RAD54L2: variants seen among roughly 807,000 people sequenced by gnomAD.
The protein encoded by RAD54L2 is RAD54 like 2.
A neutral mutation model predicts 138.4 loss-of-function variants in RAD54L2; 27 were observed. The observed-to-expected ratio is 0.20, with a 90% CI of 0.14 to 0.27. The LOEUF is 0.27. RAD54L2 is among the 10% of genes least tolerant of loss of function. The probability of loss-of-function intolerance (pLI) is 1.00; values close to 1 mark genes in which losing one functional copy is unlikely to be tolerated. For synonymous variants in RAD54L2, 644 were observed against 723.2 expected, an observed-to-expected ratio of 0.89 and a Z score of 1.76; for missense variants, 1,396 against 1,890.2, an observed-to-expected ratio of 0.74 and a Z score of 4.85.
At position 51,641,640 on chromosome 3, in the gene RAD54L2, A is replaced by G; in HGVS notation, c.2232-109A>G. The G allele has an allele frequency of 4.5e-6, 3 of 667,708 alleles. No homozygotes were observed. In the South Asian group the frequency reaches 6.0e-5, roughly 13 times the overall value. The allele number at this position is 667,708 out of a possible 1,614,324, so 41.4% of individuals were successfully genotyped here. A position where few individuals can be genotyped will look rare whatever the true frequency, so the allele number is the denominator to read the frequency against. ...CCTAGAGTTACCTCTTTTCAGTGGT[A>G]GGTTGTGGGAGCTCCCATTGTCAGA... is the stretch of plus-strand genomic sequence containing the variant. On this transcript the variant is annotated intron_variant, in intron 14 of 22. Coordinates refer to ENST00000684192, the MANE Select transcript of RAD54L2 (RefSeq NM_015106.4).
At position 51,663,947 on chromosome 3, in the gene RAD54L2, T is replaced by G. The variant is rs1271079669; in HGVS notation, c.*527T>G. 6.3e-6 allele frequency: 1 copy of G among 159,352 alleles called. No individual in the cohort carries two copies. Among genetic ancestry groups the G allele is most frequent in the Admixed American group, 6.0e-5 (1 of 16,582 alleles). 9.9% of individuals were successfully genotyped at this position (159,352 alleles called of 1,614,324 possible). A position where few individuals can be genotyped will look rare whatever the true frequency, so the allele number is the denominator to read the frequency against. The stretch of plus-strand genomic sequence containing the variant: ...AGGAAGCTGACCAGGTATGTGTGTT[T>G]GTGAGTGTGTGTGTGTATGTTTATT... On this transcript the variant is annotated 3_prime_UTR_variant, in exon 23 of 23. Transcript: ENST00000684192.
chr3:51,589,323 G>A (rs1699784174), intron 2 of RAD54L2, among the ~76,000 whole-genome samples: 2 of 152,236 alleles, frequency 1.3e-5, no homozygotes, highest in South Asian at 4.1e-4. Context: ...CTTGAACCCA[G>A]GAATTTGAGG....
chr3:51,610,744 C>T (rs1224719318), intron 3 of RAD54L2, among the ~76,000 whole-genome samples: 1 of 152,080 alleles, frequency 6.6e-6, no homozygotes, highest in African/African-American at 2.4e-5. Context: ...AGCTCCCAGG[C>T]TCTCTGGAGA....
chr3:51,640,007 G>A lies in RAD54L2; in HGVS notation c.2231+8G>A. The A allele has an allele frequency of 6.4e-7, 1 of 1,564,914 alleles. No homozygotes were observed. Among genetic ancestry groups the A allele is most frequent in the Non-Finnish European group, 8.8e-7 (1 of 1,138,792 alleles). On this transcript the variant is annotated splice_region_variant and intron_variant, in intron 14 of 22. Coordinates refer to ENST00000684192, the MANE Select transcript of RAD54L2 (RefSeq NM_015106.4). ...CAAGATCCTTGTGTTTAGGTAGGAT[G>A]AGAAACTTCCATTTGAGGCTGTGTG...
Position 51,627,635 on chromosome 3 carries a change from T to C in RAD54L2, c.222T>C (p.Thr74=). The C allele has an allele frequency of 6.3e-7, 1 of 1,591,382 alleles. No homozygotes were observed. Among genetic ancestry groups the C allele is most frequent in the Non-Finnish European group, 8.6e-7 (1 of 1,169,430 alleles). ...AGCAGCCGCCGCGGTGCACTTCAAC[T>C]ACCTCATCTCAGTCTGAGCCTTCAG... ...DGQQPPRCTS[T]TSSQSEPSEQ... Residue 74 remains threonine, a synonymous_variant, in exon 4 of 23, where the codon ACT becomes ACC. Coordinates refer to ENST00000684192, the MANE Select transcript of RAD54L2 (RefSeq NM_015106.4).
chr3:51,613,859 G>T (rs1577426150), intron 3 of RAD54L2, among the ~76,000 whole-genome samples: 1 of 152,114 alleles, frequency 6.6e-6, no homozygotes, highest in African/African-American at 2.4e-5. Flanking sequence ...GCAGTGATTC[G>T]CAACTGGGAA....
intron 5 of RAD54L2, among the ~76,000 whole-genome samples, chr3:51,630,020 A>G (rs978688944): frequency 1.3e-5 from 2 of 152,232 alleles, no homozygotes; most frequent in Non-Finnish European, 1.5e-5. Flanking sequence ...ATTTTTCCTC[A>G]TAACTTTGGA....
chr3:51,593,949 A>T (rs911982480), intron 3 of RAD54L2, among the ~76,000 whole-genome samples: 8 of 148,764 alleles, frequency 5.4e-5, no homozygotes, highest in Non-Finnish European at 1.5e-5. Context: ...TAATTTTTAG[A>T]TTTTTTTTCT....
At chr3:51,562,566 T>C (rs1317326149) in intron 2 of RAD54L2, among the ~76,000 whole-genome samples, 2 of 152,220 alleles carry the variant, frequency 1.3e-5, no homozygotes, top group Non-Finnish European at 2.9e-5. Context: ...GGTTTCACCA[T>C]GTTGGCCAGG....
chr3:51,657,724 GGAA>G, intron 21 of RAD54L2, 55 bp downstream of exon 21: 2 of 1,251,728 alleles, frequency 1.6e-6, no homozygotes, highest in Non-Finnish European at 1.1e-6. Context: ...TGCTGGGCTG[GGAA>G]GAAGAATAAA....
At chr3:51,622,993 T>C (rs1336586776) in intron 3 of RAD54L2, among the ~76,000 whole-genome samples, 1 of 152,262 alleles carries the variant, frequency 6.6e-6, no homozygotes, top group Admixed American at 6.5e-5. Context: ...CAAGTGTTAC[T>C]GCTCTTGGGC....
intron 2 of RAD54L2, among the ~76,000 whole-genome samples, chr3:51,553,767 G>C (rs1182150679): frequency 6.6e-6 from 1 of 152,170 alleles, no homozygotes; most frequent in Non-Finnish European, 1.5e-5. Context: ...AGGAGTTCGA[G>C]TCAGCAGTAT....
chr3:51,596,218 G>T (rs1311955417), intron 3 of RAD54L2, among the ~76,000 whole-genome samples: 1 of 147,022 alleles, frequency 6.8e-6, no homozygotes, highest in Admixed American at 7.0e-5. Context: ...GTGAGCCACC[G>T]CTCCCGGCCT....
chr3:51,563,050 C>T (rs965641990), intron 2 of RAD54L2, among the ~76,000 whole-genome samples: 2 of 152,122 alleles, frequency 1.3e-5, no homozygotes, highest in Admixed American at 1.3e-4. Flanking sequence ...GAGCCTCACT[C>T]TTAGTGTTTT....
At chr3:51,624,460 A>G (rs920219518) in intron 3 of RAD54L2, among the ~76,000 whole-genome samples, 2 of 151,872 alleles carry the variant, frequency 1.3e-5, no homozygotes, top group Non-Finnish European at 2.9e-5. Flanking sequence ...GGGTTTTGCT[A>G]TGTTGCCCAG....
chr3:51,595,610 G>A (rs1322730784), intron 3 of RAD54L2, among the ~76,000 whole-genome samples: 3 of 152,154 alleles, frequency 2.0e-5, no homozygotes, highest in Non-Finnish European at 2.9e-5. Flanking sequence ...TATAGAACAC[G>A]GAGGTTTGGC....
chr3:51,630,669 C>T (rs751833902), intron 6 of RAD54L2, 36 bp from the exon 7 acceptor site: 1 of 1,549,370 alleles, frequency 6.5e-7, no homozygotes, highest in Non-Finnish European at 8.9e-7. Flanking sequence ...TCTTCACTCC[C>T]TGGATTTTTG....
In RAD54L2 at chr3:51,643,863, C is replaced by T. The variant is rs370632942; in HGVS notation, c.2351-12C>T. The T allele has an allele frequency of 8.8e-6, 14 of 1,587,302 alleles. No homozygotes were observed. In the South Asian group the frequency reaches 1.4e-4, roughly 16 times the overall value. Reference sequence around the variant, plus strand: ...AATATATCCACTGCTTATGGTTTTCCTTCCTTCCTAGGGCTAGATGGTAGC... The same window carrying T: ...AATATATCCACTGCTTATGGTTTTCTTTCCTTCCTAGGGCTAGATGGTAGC... On this transcript the variant is annotated splice_polypyrimidine_tract_variant and intron_variant, in intron 15 of 22. Transcript: ENST00000684192.
At chr3:51,628,915 C>T (rs1331292182) in intron 4 of RAD54L2, among the ~76,000 whole-genome samples, 2 of 151,816 alleles carry the variant, frequency 1.3e-5, no homozygotes, top group Admixed American at 6.6e-5. Flanking sequence ...GGGGTTTTGC[C>T]GTGTTAGCCA....
Sources: allele counts gnomAD v4.1 joint callset (sites outside exome capture counted in the v4.1 genomes callset), GRCh38; gene constraint gnomAD v4.1.1; transcripts MANE v1.5; gene names NCBI Gene and HGNC (gene_info 2026-07-23, HGNC 2026-07-21).